LOC400499: variants seen among roughly 807,000 people sequenced by gnomAD.
the LOC400499 span, among the ~76,000 whole-genome samples, chr16:11,436,284 G>C: frequency 6.6e-6 from 1 of 152,200 alleles, no homozygotes; most frequent in Non-Finnish European, 1.5e-5. Context: ...GGAGGCCCCA[G>C]AGAGTGCCCC....
the LOC400499 span, among the ~76,000 whole-genome samples, chr16:11,487,572 CA>C: frequency 6.6e-6 from 1 of 152,152 alleles, no homozygotes; most frequent in Admixed American, 6.5e-5. Flanking sequence ...CACAGAGTCA[CA>C]CACACCCACT....
At chr16:11,478,925 CTCTT>C in the LOC400499 span, among the ~76,000 whole-genome samples, 77 of 152,300 alleles carry the variant, frequency 5.1e-4, no homozygotes, top group African/African-American at 1.6e-3. Context: ...TCTGCACAAG[CTCTT>C]TCTTTGTCTG....
At chr16:11,409,998 A>T in the LOC400499 span, among the ~76,000 whole-genome samples, 7 of 152,160 alleles carry the variant, frequency 4.6e-5, no homozygotes, top group African/African-American at 1.7e-4. Context: ...CCCGGAATGG[A>T]GCCAGGTGTG....
chr16:11,431,381 A>G, the LOC400499 span, among the ~76,000 whole-genome samples: 4 of 152,144 alleles, frequency 2.6e-5, no homozygotes, highest in Non-Finnish European at 5.9e-5. Flanking sequence ...AAGTGGGAAT[A>G]AAGTGGACAT....
the LOC400499 span, among the ~76,000 whole-genome samples, chr16:11,464,198 G>A: frequency 6.6e-6 from 1 of 152,118 alleles, no homozygotes; most frequent in Non-Finnish European, 1.5e-5. Context: ...GGATGTATGT[G>A]TGTGCACACA....
chr16:11,429,154 T>A, the LOC400499 span, among the ~76,000 whole-genome samples: 5 of 152,246 alleles, frequency 3.3e-5, no homozygotes, highest in African/African-American at 1.2e-4. Context: ...GGGTGGGGCC[T>A]GGTGGGAGGT....
At chr16:11,499,564 C>A in the LOC400499 span, among the ~76,000 whole-genome samples, 1 of 152,108 alleles carries the variant, frequency 6.6e-6, no homozygotes, top group African/African-American at 2.4e-5. Context: ...CTACCTGGAA[C>A]AGCCCCACCT....
the LOC400499 span, among the ~76,000 whole-genome samples, chr16:11,507,749 T>A: frequency 2.3e-4 from 35 of 151,946 alleles, no homozygotes; most frequent in Non-Finnish European, 4.1e-4. Context: ...CTGGGCAACA[T>A]GGCAAAACCC....
At chr16:11,460,623 A>G in the LOC400499 span, 3 of 1,518,294 alleles carry the variant, frequency 2.0e-6, no homozygotes, top group Non-Finnish European at 1.8e-6. Context: ...GTGTGGATCA[A>G]CCCAGAGACC....
the LOC400499 span, chr16:11,450,674 T>G: frequency 1.3e-6 from 2 of 1,536,182 alleles, no homozygotes; most frequent in Non-Finnish European, 1.7e-6. Context: ...CCCTGACTCC[T>G]GCAGCCCACG....
chr16:11,485,490 G>C, the LOC400499 span, among the ~76,000 whole-genome samples: 7 of 152,042 alleles, frequency 4.6e-5, no homozygotes, highest in African/African-American at 1.4e-4. Flanking sequence ...CCCTGGATGG[G>C]GGGGAGGGTT....
chr16:11,378,278 G>GA, the LOC400499 span, among the ~76,000 whole-genome samples: 1 of 149,070 alleles, frequency 6.7e-6, no homozygotes, highest in Non-Finnish European at 1.5e-5. Flanking sequence ...CCGGGGGGAG[G>GA]GGGGAGGTGG....
chr16:11,485,611 CA>C, the LOC400499 span, among the ~76,000 whole-genome samples: 1 of 152,194 alleles, frequency 6.6e-6, no homozygotes, highest in Non-Finnish European at 1.5e-5. Context: ...CCCACGCATC[CA>C]TCCATCCATC....
chr16:11,465,540 C>G, the LOC400499 span: 28 of 152,128 alleles, frequency 1.8e-4, no homozygotes, highest in African/African-American at 6.3e-4. Context: ...TGGGTAAGAA[C>G]CCTAGAAAAG....
At chr16:11,413,042 G>A in the LOC400499 span, 21 of 397,784 alleles carry the variant, frequency 5.3e-5, no homozygotes, top group Non-Finnish European at 8.9e-5. Flanking sequence ...GAGCTCTATA[G>A]CCCAGCACGT....
chr16:11,426,642 G>A, the LOC400499 span, among the ~76,000 whole-genome samples: 1 of 151,342 alleles, frequency 6.6e-6, no homozygotes, highest in Admixed American at 6.6e-5. Flanking sequence ...AAAAATATCA[G>A]GCCAGGCTGG....
At chr16:11,468,826 C>T in the LOC400499 span, among the ~76,000 whole-genome samples, 1 of 152,106 alleles carries the variant, frequency 6.6e-6, no homozygotes, top group South Asian at 2.1e-4. Flanking sequence ...CAGGGTTTCA[C>T]CATTTGGCCA....
At chr16:11,500,113 C>T in the LOC400499 span, among the ~76,000 whole-genome samples, 1 of 152,146 alleles carries the variant, frequency 6.6e-6, no homozygotes, top group South Asian at 2.1e-4. Context: ...ATTTCAAGTG[C>T]TCAGATTTAG....
At chr16:11,383,868 G>A in the LOC400499 span, 2 of 1,232,168 alleles carry the variant, frequency 1.6e-6, no homozygotes, top group Non-Finnish European at 2.0e-6. Flanking sequence ...GCACCCCATG[G>A]GCCAGGCTCA....
Sources: gnomAD v4.1 joint callset for allele counts (sites outside exome capture counted in the v4.1 genomes callset) on GRCh38, gnomAD v4.1.1 for gene constraint, MANE v1.5 for transcripts.